The following CD58 variants were observed in gnomAD, a reference collection of about 807,000 sequenced individuals.
The protein encoded by CD58 is lymphocyte function-associated antigen 3.
CD58 carries 14 observed loss-of-function variants against 27.6 expected under a neutral mutation model. That is an observed-to-expected ratio of 0.51 (90% CI 0.34 to 0.79). The LOEUF is 0.79. Ranked by LOEUF, CD58 falls within the 30% of genes least tolerant of loss-of-function variation. The probability of loss-of-function intolerance (pLI) is 0.02; values close to 1 mark genes in which losing one functional copy is unlikely to be tolerated. For missense variants in CD58, 268 were observed against 301.7 expected (o/e 0.89, Z 0.83); for synonymous variants, 117 against 103.8 (o/e 1.13, Z -0.77).
In CD58 at chr1:116,532,056, C is replaced by A. The variant is rs1657630977; in HGVS notation, c.628+3909G>T. Among the ~76,000 whole-genome samples the A allele has an allele frequency of 1.3e-5, 2 of 152,254 alleles. No individual in the cohort carries two copies. Among genetic ancestry groups the A allele is most frequent in the African/African-American group, 4.8e-5 (2 of 41,464 alleles). On this transcript the variant is annotated intron_variant, in intron 3 of 5. Coordinates refer to ENST00000369489, the MANE Select transcript of CD58 (RefSeq NM_001779.3). This position sits in a 1 kb window ranked among gnomAD's most constrained non-coding sequence, Gnocchi z 5.1. Reference sequence around the variant, plus strand: ...TATGCTCAAATGAAACGCAGGACTTCCCAGCCCAGCCCCTCACTGGAGAAC... The same window carrying A: ...TATGCTCAAATGAAACGCAGGACTTACCAGCCCAGCCCCTCACTGGAGAAC...
intron 1 of CD58, among the ~76,000 whole-genome samples, chr1:116,564,856 G>T (rs191888164): frequency 1.3e-5 from 2 of 152,256 alleles, no homozygotes; most frequent in Admixed American, 1.3e-4. Flanking sequence ...GGGCTCAAAA[G>T]ATCTGCCCAC....
At chr1:116,556,255 GA>G (rs1158092746) in intron 1 of CD58, among the ~76,000 whole-genome samples, 2,366 of 29,832 alleles carry the variant, frequency 0.079, 10 homozygotes, top group Non-Finnish European at 0.1. Context: ...CTCCATCTCA[GA>G]AAAAAAAAAA....
Position 116,536,028 on chromosome 1 carries a change from G to C in CD58, c.565C>G (p.Leu189Val), listed in dbSNP as rs779617354. 2 of 1,612,756 alleles carry C rather than the reference G, an allele frequency of 1.2e-6. No individual in the cohort carries two copies. The highest frequency in any genetic ancestry group is 2.2e-5 in the South Asian group (2 of 91,058). Residue 189 changes from leucine (L) to valine (V), a missense_variant, in exon 3 of 6, where the codon CTT (leucine) becomes GTT (valine). Transcript: ENST00000369489. The surrounding 1 kb of genome is among the most constrained non-coding windows in gnomAD (Gnocchi z 5.4). ...NDLPQKIQCT[L>V]SNPLFNTTSS... is the part of the protein sequence containing the mutation. ...GTTGTATTAAATAATGGATTGCTAAGAGTACACTGTATTTTTTGTGGAAGA... is the reference window on the plus strand; with the variant it reads ...GTTGTATTAAATAATGGATTGCTAACAGTACACTGTATTTTTTGTGGAAGA...
At chr1:116,556,064 T>C (rs1424967903) in intron 1 of CD58, among the ~76,000 whole-genome samples, 1 of 152,040 alleles carries the variant, frequency 6.6e-6, no homozygotes, top group Non-Finnish European at 1.5e-5. Context: ...CAGACCAGCC[T>C]GGCCAACATG....
chr1:116,569,822 C>T (rs79300676), intron 1 of CD58, among the ~76,000 whole-genome samples: 2 of 152,034 alleles, frequency 1.3e-5, no homozygotes, highest in African/African-American at 4.8e-5. Context: ...TGCTGGTCTC[C>T]GATTCCTGGC....
chr1:116,567,280 T>C (rs1194191391), intron 1 of CD58, among the ~76,000 whole-genome samples: 1 of 33,390 alleles, frequency 3.0e-5, no homozygotes, highest in Non-Finnish European at 5.7e-5. Flanking sequence ...AGAGGAAGGA[T>C]GGAAGGAAGG....
chr1:116,552,414 A>T lies in CD58; in HGVS notation c.71-7810T>A, dbSNP rs1658423276. Among the ~76,000 whole-genome samples, 1 of 152,232 alleles carries T rather than the reference A, an allele frequency of 6.6e-6. No homozygotes were observed. The highest frequency in any genetic ancestry group is 6.5e-5 in the Admixed American group (1 of 15,278). Reference sequence around the variant, plus strand: ...GCGTTAAATATTGTGGGAATTACTAAAATGTAACAGAGAGACAAAACATAA... The same window carrying T: ...GCGTTAAATATTGTGGGAATTACTATAATGTAACAGAGAGACAAAACATAA... On this transcript the variant is annotated intron_variant, in intron 1 of 5. Coordinates refer to ENST00000369489, the MANE Select transcript of CD58 (RefSeq NM_001779.3). This position sits in a 1 kb window ranked among gnomAD's most constrained non-coding sequence, Gnocchi z 4.5.
At chr1:116,525,595 T>C (rs759804455) in intron 3 of CD58, among the ~76,000 whole-genome samples, 2 of 152,204 alleles carry the variant, frequency 1.3e-5, no homozygotes, top group Admixed American at 6.5e-5. Context: ...CATACAGTTT[T>C]GTAAGAAACT....
In CD58 at chr1:116,528,561, G is replaced by C. The variant is rs935851930; in HGVS notation, c.629-6578C>G. On this transcript the variant is annotated intron_variant, in intron 3 of 5. Coordinates refer to ENST00000369489, the MANE Select transcript of CD58 (RefSeq NM_001779.3). The surrounding 1 kb of genome is among the most constrained non-coding windows in gnomAD (Gnocchi z 4.4). ...TAAATGTGTACAACAGTTGGAAACT[G>C]GTACTCTAGAGAATATCCTCTTGCC... Among the ~76,000 whole-genome samples the C allele has an allele frequency of 2.0e-5, 3 of 152,098 alleles. No homozygotes were observed. The highest frequency in any genetic ancestry group is 4.4e-5 in the Non-Finnish European group (3 of 68,016).
intron 3 of CD58, chr1:116,533,846 T>C: frequency 1.2e-6 from 1 of 834,452 alleles, no homozygotes; most frequent in Non-Finnish European, 2.1e-6. Context: ...TCATAGAACT[T>C]GGCTTCTATA....
chr1:116,555,377 A>G (rs1658528584), intron 1 of CD58, among the ~76,000 whole-genome samples: 1 of 152,180 alleles, frequency 6.6e-6, no homozygotes, highest in Non-Finnish European at 1.5e-5. Context: ...TTAATGAGTT[A>G]GGTCAACATC....
rs1490605777 is a variant in CD58, at chr1:116,522,796, G to C, written c.629-813C>G. On this transcript the variant is annotated intron_variant, in intron 3 of 5. Coordinates refer to ENST00000369489, the MANE Select transcript of CD58 (RefSeq NM_001779.3). This position sits in a 1 kb window ranked among gnomAD's most constrained non-coding sequence, Gnocchi z 4.6. ...GCCAGTGGAAGCAGAACTTGGCATT[G>C]TGTTTGGTAGGGCAATTCTGGCAGT... 6.6e-6 allele frequency among the ~76,000 whole-genome samples: 1 copy of C among 152,228 alleles called. No homozygotes were observed. The highest frequency in any genetic ancestry group is 1.5e-5 in the Non-Finnish European group (1 of 68,036).
intron 1 of CD58, among the ~76,000 whole-genome samples, chr1:116,554,389 T>C (rs1658499441): frequency 6.6e-6 from 1 of 152,080 alleles, no homozygotes; most frequent in African/African-American, 2.4e-5. Flanking sequence ...TTCCTCTTTT[T>C]AAAAACAATA....
At chr1:116,568,515 G>A (rs936612968) in intron 1 of CD58, among the ~76,000 whole-genome samples, 2 of 152,092 alleles carry the variant, frequency 1.3e-5, no homozygotes, top group African/African-American at 2.4e-5. Flanking sequence ...ACTAGTAAAT[G>A]TTTACTTTAT....
At chr1:116,561,564 T>C (rs1658752985) in intron 1 of CD58, among the ~76,000 whole-genome samples, 1 of 152,210 alleles carries the variant, frequency 6.6e-6, no homozygotes, top group South Asian at 2.1e-4. Flanking sequence ...TTAAATACAA[T>C]TTTGCATGAC....
Position 116,563,131 on chromosome 1 carries a change from A to G in CD58, c.70+7772T>C, listed in dbSNP as rs1658811163. The stretch of plus-strand genomic sequence containing the variant: ...AGAAATTGTCCAAAACAAAAGGGCT[A>G]CAGGCCCCATGCAAGTCCTAAATCC... On this transcript the variant is annotated intron_variant, in intron 1 of 5. Transcript: ENST00000369489. The surrounding 1 kb of genome is among the most constrained non-coding windows in gnomAD (Gnocchi z 4.1). Among the ~76,000 whole-genome samples, 1 of 152,226 alleles carries G rather than the reference A, an allele frequency of 6.6e-6. No individual in the cohort carries two copies. Among genetic ancestry groups the G allele is most frequent in the Admixed American group, 6.5e-5 (1 of 15,284 alleles).
At chr1:116,530,302 T>C (rs1657557953) in intron 3 of CD58, among the ~76,000 whole-genome samples, 1 of 151,382 alleles carries the variant, frequency 6.6e-6, no homozygotes, top group African/African-American at 2.4e-5. Context: ...GCCTCCCGGG[T>C]TCATGCCATT....
At chr1:116,542,593 A>G (rs984476444) in intron 2 of CD58, among the ~76,000 whole-genome samples, 1 of 152,220 alleles carries the variant, frequency 6.6e-6, no homozygotes, top group Admixed American at 6.5e-5. Flanking sequence ...GGGTACAGGG[A>G]TCATGAGAAA....
rs1190617678 is a variant in CD58 at position 116,541,449 on chromosome 1, T to A, written c.364+2862A>T. ...CTTTAACAGAGTTAGATGGGGCCATTAGAAAGTTCCACACAGATGAGTGAC... is the reference window on the plus strand; with the variant it reads ...CTTTAACAGAGTTAGATGGGGCCATAAGAAAGTTCCACACAGATGAGTGAC... On this transcript the variant is annotated intron_variant, in intron 2 of 5. Transcript: ENST00000369489. The surrounding 1 kb of genome is among the most constrained non-coding windows in gnomAD (Gnocchi z 5.3). 6.6e-6 allele frequency among the ~76,000 whole-genome samples: 1 copy of A among 152,262 alleles called. No homozygotes were observed. The highest frequency in any genetic ancestry group is 2.4e-5 in the African/African-American group (1 of 41,474).
Sources: gnomAD v4.1 joint callset for allele counts (sites outside exome capture counted in the v4.1 genomes callset) on GRCh38, gnomAD v4.1.1 for gene constraint, Gnocchi (gnomAD v3.1) non-coding constraint, MANE v1.5 for transcripts, NCBI Gene and HGNC (gene_info 2026-07-23, HGNC 2026-07-21) for gene names.